Variants in SORCS1 observed in about 807,000 individuals in gnomAD.
The protein encoded by SORCS1 is VPS10 domain-containing receptor SorCS1.
In SORCS1, 60 loss-of-function variants were observed where a neutral mutation model predicts 146.1. The observed-to-expected ratio is 0.41, with a 90% CI of 0.33 to 0.51. The LOEUF is 0.51. Among genes scored for constraint, SORCS1 ranks in the 20% least tolerant of loss-of-function variants. SORCS1 has a pLI of 0.21. For missense variants in SORCS1, 1,352 were observed against 1,487.6 expected, an observed-to-expected ratio of 0.91 and a Z score of 1.50; for synonymous variants, 637 against 584.0, an observed-to-expected ratio of 1.09 and a Z score of -1.31.
intron 21 of SORCS1, among the ~76,000 whole-genome samples, chr10:106,615,390 G>C (rs1847288867): frequency 6.6e-6 from 1 of 152,178 alleles, no homozygotes. Flanking sequence ...AAGTTCTCCA[G>C]TATTTTCCCA....
chr10:106,808,051 G>A lies in SORCS1; in HGVS notation c.726+21523C>T, dbSNP rs139135660. 5.2e-3 allele frequency among the ~76,000 whole-genome samples: 794 copies of A among 152,138 alleles called. 4 individuals are homozygous for A. Among genetic ancestry groups the A allele is most frequent in the African/African-American group, 0.015 (633 of 41,510 alleles). Reference sequence around the variant, plus strand: ...ATTTTTATTTTTTTGATGGAGTTTCGCTCTTGTTGCCCAGGCTGGAGCGCA... The same window carrying A: ...ATTTTTATTTTTTTGATGGAGTTTCACTCTTGTTGCCCAGGCTGGAGCGCA... On this transcript the variant is annotated intron_variant, in intron 3 of 25. Transcript: ENST00000263054.
chr10:107,001,857 C>G (rs12246775), intron 1 of SORCS1, among the ~76,000 whole-genome samples: 22,856 of 152,204 alleles, frequency 0.15, 5,626 homozygotes, highest in African/African-American at 0.52. Context: ...GGCAGTTAAA[C>G]CTGGCTCTAA....
chr10:107,035,551 T>C (rs779276963), intron 1 of SORCS1, among the ~76,000 whole-genome samples: 1 of 152,140 alleles, frequency 6.6e-6, no homozygotes, highest in Non-Finnish European at 1.5e-5. Context: ...GAACTATGTA[T>C]AGTGTTAAAT....
chr10:106,625,238 G>C (rs566678923), intron 19 of SORCS1, among the ~76,000 whole-genome samples: 44 of 143,712 alleles, frequency 3.1e-4, no homozygotes, highest in African/African-American at 1.0e-3. Flanking sequence ...GTGTGTGTGT[G>C]TGTGTGTGTA....
chr10:107,178,500 A>AT, the SORCS1 span, among the ~76,000 whole-genome samples: 4 of 149,228 alleles, frequency 2.7e-5, no homozygotes, highest in African/African-American at 9.9e-5. Flanking sequence ...ATATATATAT[A>AT]TATTTTTTTT....
At chr10:106,930,307 A>G (rs1953351321) in intron 2 of SORCS1, among the ~76,000 whole-genome samples, 1 of 152,064 alleles carries the variant, frequency 6.6e-6, no homozygotes, top group African/African-American at 2.4e-5. Context: ...AAAAAACAAA[A>G]ATGAATTAAA....
At chr10:106,888,818 C>G (rs573327571) in intron 2 of SORCS1, among the ~76,000 whole-genome samples, 1 of 152,298 alleles carries the variant, frequency 6.6e-6, no homozygotes, top group African/African-American at 2.4e-5. Flanking sequence ...TGTCCTAGAC[C>G]TTGCTCCAAA....
intron 1 of SORCS1, among the ~76,000 whole-genome samples, chr10:107,003,952 G>A (rs1376361491): frequency 1.3e-5 from 2 of 151,984 alleles, no homozygotes; most frequent in Non-Finnish European, 1.5e-5. Context: ...GAGGAGGGTG[G>A]ATCACAAGGT....
intron 4 of SORCS1, among the ~76,000 whole-genome samples, chr10:106,763,909 T>G (rs111260120): frequency 6.6e-6 from 1 of 152,214 alleles, no homozygotes; most frequent in Non-Finnish European, 1.5e-5. Flanking sequence ...CTTTTAGATG[T>G]TGGAAATCCT....
chr10:106,698,842 G>A (rs1241868055), intron 9 of SORCS1, among the ~76,000 whole-genome samples: 2 of 152,112 alleles, frequency 1.3e-5, no homozygotes, highest in Non-Finnish European at 2.9e-5. Context: ...TCTTCTGAGA[G>A]ACAAGGGAGT....
intron 1 of SORCS1, among the ~76,000 whole-genome samples, chr10:107,137,296 C>G (rs557658783): frequency 2.6e-5 from 4 of 152,256 alleles, no homozygotes; most frequent in Admixed American, 6.5e-5. Context: ...GGGTCCCAGT[C>G]TTTTTTGACC....
At chr10:106,927,293 G>T (rs1373894968) in intron 2 of SORCS1, among the ~76,000 whole-genome samples, 1 of 152,070 alleles carries the variant, frequency 6.6e-6, no homozygotes, top group Non-Finnish European at 1.5e-5. Context: ...GGTCTTGCTG[G>T]CTCAGGAGTG....
chr10:107,039,306 G>A lies in SORCS1; in HGVS notation c.559-82726C>T, dbSNP rs546730139. Among the ~76,000 whole-genome samples the A allele has an allele frequency of 1.3e-4, 17 of 128,676 alleles. 1 individual carries two copies. The highest frequency in any genetic ancestry group is 4.0e-4 in the African/African-American group (14 of 34,950). 84.4% of individuals were successfully genotyped at this position (128,676 alleles called of 152,430 possible). On this transcript the variant is annotated intron_variant, in intron 1 of 25. Transcript: ENST00000263054. Reference sequence around the variant, plus strand: ...TCGCGTCACTGCACTCCAGCCTGGCGACAGAGAGACTCCATCTCAAATAAA... The same window carrying A: ...TCGCGTCACTGCACTCCAGCCTGGCAACAGAGAGACTCCATCTCAAATAAA...
intron 6 of SORCS1, among the ~76,000 whole-genome samples, chr10:106,724,230 C>T (rs755304342): frequency 1.3e-5 from 2 of 152,038 alleles, no homozygotes; most frequent in Admixed American, 6.6e-5. Flanking sequence ...GATATAAGGC[C>T]GGGCATGGTG....
At chr10:106,616,598 T>A (rs1303663545) in intron 21 of SORCS1, among the ~76,000 whole-genome samples, 3 of 152,212 alleles carry the variant, frequency 2.0e-5, no homozygotes, top group African/African-American at 7.2e-5. Flanking sequence ...GGCCACCTCG[T>A]ACCTTGCTAA....
At chr10:106,932,854 CT>C (rs1953488537) in intron 2 of SORCS1, among the ~76,000 whole-genome samples, 1 of 152,172 alleles carries the variant, frequency 6.6e-6, no homozygotes, top group Non-Finnish European at 1.5e-5. Flanking sequence ...GCACTGCCTC[CT>C]CACTTTATAA....
intron 3 of SORCS1, among the ~76,000 whole-genome samples, chr10:106,778,294 A>G (rs1319424866): frequency 6.6e-6 from 1 of 152,034 alleles, no homozygotes; most frequent in Non-Finnish European, 1.5e-5. Context: ...TATCAGCTAC[A>G]CTCCCGACAA....
intron 3 of SORCS1, among the ~76,000 whole-genome samples, chr10:106,815,586 C>A (rs1389770232): frequency 6.6e-6 from 1 of 152,120 alleles, no homozygotes; most frequent in African/African-American, 2.4e-5. Flanking sequence ...AGAATGCTGA[C>A]TTGGGTCTCC....
intron 3 of SORCS1, among the ~76,000 whole-genome samples, chr10:106,780,025 A>G (rs1860770134): frequency 6.6e-6 from 1 of 152,198 alleles, no homozygotes; most frequent in Admixed American, 6.5e-5. Flanking sequence ...TGTTTGTCCT[A>G]CCATTTTATC....
Sources: allele counts gnomAD v4.1 joint callset (sites outside exome capture counted in the v4.1 genomes callset), GRCh38; gene constraint gnomAD v4.1.1; transcripts MANE v1.5; gene names NCBI Gene and HGNC (gene_info 2026-07-23, HGNC 2026-07-21).